Variants in PIK3C2G observed in about 807,000 individuals in gnomAD.
The protein encoded by PIK3C2G is phosphatidylinositol-4-phosphate 3-kinase catalytic subunit type 2 gamma.
In PIK3C2G, 168 loss-of-function variants were observed where a neutral mutation model predicts 181.1. The observed-to-expected ratio is 0.93, with a 90% CI of 0.82 to 1.05. PIK3C2G has a LOEUF of 1.05. Ranked by LOEUF, PIK3C2G falls within the 50% of genes least tolerant of loss-of-function variation. The pLI is 0.00. For synonymous variants in PIK3C2G, 573 were observed against 592.2 expected (o/e 0.97, Z 0.47); for missense variants, 1,869 against 1,732.8 (o/e 1.08, Z -1.40).
intron 5 of PIK3C2G, among the ~76,000 whole-genome samples, chr12:18,303,335 CTCTTTCTT>C (rs149922332): frequency 1.4e-4 from 21 of 147,280 alleles, no homozygotes; most frequent in Admixed American, 4.8e-4. Context: ...TTCTCTCTCT[CTCTTTCTT>C]TCTTTCTTTC....
At chr12:18,515,448 G>A (rs778344981) in intron 24 of PIK3C2G, among the ~76,000 whole-genome samples, 37 of 151,794 alleles carry the variant, frequency 2.4e-4, no homozygotes, top group Non-Finnish European at 4.6e-4. Context: ...ATTTAATCTT[G>A]GTATATTATA....
intron 15 of PIK3C2G, among the ~76,000 whole-genome samples, chr12:18,395,835 T>C (rs1324554449): frequency 6.6e-6 from 1 of 151,426 alleles, no homozygotes; most frequent in East Asian, 1.9e-4. Context: ...AAGGATATTT[T>C]AATCTCTAGG....
intron 14 of PIK3C2G, among the ~76,000 whole-genome samples, chr12:18,384,568 T>C (rs892586816): frequency 6.6e-6 from 1 of 152,216 alleles, no homozygotes; most frequent in Non-Finnish European, 1.5e-5. Flanking sequence ...TTTAAGGTTC[T>C]ATGGGGCAGA....
chr12:18,399,043 A>C (rs1944063550), intron 15 of PIK3C2G, among the ~76,000 whole-genome samples: 1 of 147,070 alleles, frequency 6.8e-6, no homozygotes, highest in Non-Finnish European at 1.5e-5. Context: ...AAAATACAAA[A>C]AATTAGCCGG....
chr12:18,405,403 T>G (rs76499173), intron 16 of PIK3C2G, among the ~76,000 whole-genome samples: 20 of 115,658 alleles, frequency 1.7e-4, no homozygotes, highest in East Asian at 6.9e-4. Context: ...ATTTGTGTTG[T>G]TGTTGTTGTT....
downstream of PIK3C2G, among the ~76,000 whole-genome samples, chr12:18,649,662 C>A (rs561455361): frequency 2.0e-5 from 3 of 152,264 alleles, no homozygotes; most frequent in Admixed American, 2.0e-4. Flanking sequence ...TTGCTCCCAC[C>A]ATTTCAATGA....
the PIK3C2G span, among the ~76,000 whole-genome samples, chr12:18,716,241 T>A: frequency 2.0e-5 from 3 of 151,806 alleles, no homozygotes; most frequent in Admixed American, 2.0e-4. Flanking sequence ...AGCTTTTTAC[T>A]TGGGGTGGGG....
At chr12:18,545,378 A>G (rs1944368813) in intron 25 of PIK3C2G, among the ~76,000 whole-genome samples, 4 of 151,860 alleles carry the variant, frequency 2.6e-5, no homozygotes. Flanking sequence ...TTCCAAAACC[A>G]TATTCTCACT....
intron 30 of PIK3C2G, among the ~76,000 whole-genome samples, chr12:18,599,091 A>C (rs1196904390): frequency 1.3e-5 from 2 of 152,034 alleles, no homozygotes; most frequent in African/African-American, 2.4e-5. Context: ...TCAGTGTGGC[A>C]ATTCCTCAGG....
intron 24 of PIK3C2G, among the ~76,000 whole-genome samples, chr12:18,511,197 A>G (rs139943403): frequency 6.6e-6 from 1 of 152,266 alleles, no homozygotes; most frequent in African/African-American, 2.4e-5. Flanking sequence ...CATTGTGTGT[A>G]CGTACTACAT....
intron 1 of PIK3C2G, among the ~76,000 whole-genome samples, chr12:18,262,915 A>C (rs17408597): frequency 6.6e-6 from 1 of 152,182 alleles, no homozygotes; most frequent in Non-Finnish European, 1.5e-5. Flanking sequence ...TTCCAAATGT[A>C]TGATCTGATG....
At chr12:18,658,416 T>A in the PIK3C2G span, among the ~76,000 whole-genome samples, 1 of 151,854 alleles carries the variant, frequency 6.6e-6, no homozygotes, top group Non-Finnish European at 1.5e-5. Flanking sequence ...AAGCAAAAGA[T>A]AAAGAATCGT....
At chr12:18,477,056 A>T (rs1939074307) in intron 18 of PIK3C2G, among the ~76,000 whole-genome samples, 1 of 152,042 alleles carries the variant, frequency 6.6e-6, no homozygotes. Flanking sequence ...TTGAAGACAG[A>T]CACCTTCTCC....
At chr12:18,516,890 A>G (rs958477532) in intron 24 of PIK3C2G, among the ~76,000 whole-genome samples, 1 of 151,734 alleles carries the variant, frequency 6.6e-6, no homozygotes, top group Non-Finnish European at 1.5e-5. Context: ...TTTTTTAAAC[A>G]TTTTCTTTGT....
intron 8 of PIK3C2G, among the ~76,000 whole-genome samples, chr12:18,331,191 T>C (rs1937925913): frequency 2.6e-5 from 4 of 152,112 alleles, no homozygotes; most frequent in Admixed American, 2.6e-4. Flanking sequence ...ATCATTCTTG[T>C]TTAAAAAAAT....
At chr12:18,529,099 C>T (rs1943402605) in intron 24 of PIK3C2G, among the ~76,000 whole-genome samples, 1 of 151,996 alleles carries the variant, frequency 6.6e-6, no homozygotes, top group African/African-American at 2.4e-5. Context: ...CCAACACAGC[C>T]TACGCTTTTT....
At position 18,420,941 on chromosome 12, in the gene PIK3C2G, T is replaced by A. The variant is rs1337710646; in HGVS notation, c.2316T>A (p.Ser772Arg). 3.2e-6 allele frequency: 5 copies of A among 1,546,784 alleles called. No homozygotes were observed. The highest frequency in any genetic ancestry group is 4.5e-6 in the Non-Finnish European group (5 of 1,119,736). The change falls in exon 17 of 33, where the codon AGT (serine) becomes AGA (arginine). Residue 772 changes from serine (S) to arginine (R), a missense_variant and splice_region_variant. Physicochemically the swap from Ser to Arg is moderately radical, Grantham distance 110. Transcript: ENST00000538779. ...AGTGGATATATTTACTGTGTATTAG[T>A]TTTCCAGATCAAGAAATTCGTAAAG... ...PLEALGLLTS[S>R]FPDQEIRKVA...
At chr12:18,349,188 G>A (rs1385566995) in intron 11 of PIK3C2G, among the ~76,000 whole-genome samples, 1 of 152,084 alleles carries the variant, frequency 6.6e-6, no homozygotes, top group Non-Finnish European at 1.5e-5. Context: ...TGTATCCTGT[G>A]GGAAAGCATG....
intron 18 of PIK3C2G, among the ~76,000 whole-genome samples, chr12:18,440,890 C>T (rs1417607877): frequency 6.6e-6 from 1 of 152,064 alleles, no homozygotes; most frequent in Non-Finnish European, 1.5e-5. Flanking sequence ...ACATTTTCAT[C>T]TGGGCTAGAA....
Sources: gnomAD v4.1 joint callset for allele counts (sites outside exome capture counted in the v4.1 genomes callset) on GRCh38, gnomAD v4.1.1 for gene constraint, MANE v1.5 for transcripts, NCBI Gene and HGNC (gene_info 2026-07-23, HGNC 2026-07-21) for gene names.